The following TTYH3 variants were observed in gnomAD, a reference collection of about 807,000 sequenced individuals.
The protein encoded by TTYH3 is tweety family member 3, also known as protein tweety homolog 3.
A neutral mutation model predicts 68.2 loss-of-function variants in TTYH3; 23 were observed. That is an observed-to-expected ratio of 0.34 (90% CI 0.24 to 0.48). The LOEUF is 0.48. TTYH3 is among the 20% of genes least tolerant of loss of function. The probability of loss-of-function intolerance (pLI) is 0.99; values close to 1 mark genes in which losing one functional copy is unlikely to be tolerated. For missense variants in TTYH3, 768 were observed against 727.7 expected (o/e 1.06, Z -0.64); for synonymous variants, 360 against 332.8 (o/e 1.08, Z -0.89).
intron 1 of TTYH3, among the ~76,000 whole-genome samples, chr7:2,639,510 C>T (rs1001494461): frequency 6.6e-6 from 1 of 152,236 alleles, no homozygotes; most frequent in Non-Finnish European, 1.5e-5. Flanking sequence ...AGCCCCCGAC[C>T]TAGCGCGGCC....
intron 5 of TTYH3, among the ~76,000 whole-genome samples, 178 bp from the exon 6 acceptor site, chr7:2,649,389 C>T (rs971721331): frequency 6.6e-6 from 1 of 152,162 alleles, no homozygotes; most frequent in Non-Finnish European, 1.5e-5. Flanking sequence ...GGAGAGGGAT[C>T]CATCTGGGCC....
intron 1 of TTYH3, among the ~76,000 whole-genome samples, chr7:2,641,553 C>T (rs1242321827): frequency 1.3e-5 from 2 of 152,218 alleles, no homozygotes; most frequent in South Asian, 2.1e-4. Context: ...GTTTTCGCCT[C>T]GCCTGACCGA....
At chr7:2,646,821 C>G in intron 1 of TTYH3, 32 bp from the exon 2 acceptor site, 1 of 1,575,552 alleles carries the variant, frequency 6.3e-7, no homozygotes, top group South Asian at 1.1e-5. Context: ...TGGGGGTCCA[C>G]CCCTCCAGCG....
intron 1 of TTYH3, among the ~76,000 whole-genome samples, chr7:2,635,601 T>C (rs768880088): frequency 6.6e-6 from 1 of 152,076 alleles, no homozygotes; most frequent in Non-Finnish European, 1.5e-5. Context: ...CAGGAGGTGG[T>C]GTTAACTGGC....
intron 7 of TTYH3, among the ~76,000 whole-genome samples, chr7:2,651,646 GCCAGCCACGCT>G (rs1188525414): frequency 6.6e-6 from 1 of 152,266 alleles, no homozygotes; most frequent in African/African-American, 2.4e-5. Context: ...AGGCAGCAAG[GCCAGCCACGCT>G]GGCTTCACTG....
chr7:2,643,562 G>T (rs185710244), intron 1 of TTYH3, among the ~76,000 whole-genome samples: 1 of 152,190 alleles, frequency 6.6e-6, no homozygotes, highest in African/African-American at 2.4e-5. Flanking sequence ...GGGCATGGGC[G>T]TCCCCTGCCC....
chr7:2,647,322 G>A (rs1306443063), intron 3 of TTYH3, 69 bp downstream of exon 3: 4 of 1,518,544 alleles, frequency 2.6e-6, no homozygotes, highest in African/African-American at 2.8e-5. Flanking sequence ...GCGCGAGGAC[G>A]GGCGGGGCAG....
chr7:2,659,666 C>T (rs1465465481), intron 13 of TTYH3, among the ~76,000 whole-genome samples: 2 of 152,152 alleles, frequency 1.3e-5, no homozygotes, highest in Non-Finnish European at 2.9e-5. Context: ...GCTACCAGGA[C>T]AGGGCTTGGG....
rs139244586 is a variant in TTYH3 at position 2,656,508 on chromosome 7, C to T, written c.1224C>T (p.Ser408=). The change falls in exon 11 of 14, where the codon AGC becomes AGT. Residue 408 remains serine (S), a synonymous_variant. Coordinates refer to ENST00000258796, the MANE Select transcript of TTYH3 (RefSeq NM_025250.3). ...TALMFSSIVC[S]VPHTWQQKRG... is the part of the protein sequence containing the mutation. ...TCATGTTCAGCTCCATCGTCTGCAG[C>T]GTCCCGCACACCTGGCAGCAAAAGA... 50 of 1,606,264 alleles carry T rather than the reference C, an allele frequency of 3.1e-5. No individual in the cohort carries two copies. The highest frequency in any genetic ancestry group is 7.8e-5 in the South Asian group (7 of 90,314).
At chr7:2,650,883 C>G (rs1364784977) in intron 7 of TTYH3, among the ~76,000 whole-genome samples, 1 of 151,968 alleles carries the variant, frequency 6.6e-6, no homozygotes, top group Non-Finnish European at 1.5e-5. Flanking sequence ...CAGGGATGGG[C>G]TTTGAGGGCG....
intron 1 of TTYH3, among the ~76,000 whole-genome samples, chr7:2,634,077 ACT>A (rs1304757679): frequency 6.6e-6 from 1 of 150,916 alleles, no homozygotes; most frequent in Non-Finnish European, 1.5e-5. Flanking sequence ...GCTCTGACTC[ACT>A]CTCTCTCCTG....
intron 7 of TTYH3, among the ~76,000 whole-genome samples, chr7:2,651,379 C>T (rs574196870): frequency 1.3e-5 from 2 of 152,254 alleles, no homozygotes; most frequent in East Asian, 3.9e-4. Context: ...AGTCATCTGC[C>T]GCCCACTGAC....
At chr7:2,650,868 G>A (rs544989417) in intron 7 of TTYH3, among the ~76,000 whole-genome samples, 1 of 152,014 alleles carries the variant, frequency 6.6e-6, no homozygotes, top group South Asian at 2.1e-4. Flanking sequence ...GGAGCAAAAG[G>A]TGGACAGGGA....
rs996708881 is a variant in TTYH3, at chr7:2,648,043, C to T, written c.711C>T (p.Gly237=). Residue 237 remains glycine, a synonymous_variant, in exon 5 of 14, where the codon GGC becomes GGT. Coordinates refer to ENST00000258796, the MANE Select transcript of TTYH3 (RefSeq NM_025250.3). ...VLVGLIRSSK[G]ILVGVCLLGV... is the part of the protein sequence containing the mutation. ...TTGGCCTCATCCGCAGCTCCAAGGGCATCCTGGTGGGGTGAGTCTGGGGGT... is the reference window on the plus strand; with the variant it reads ...TTGGCCTCATCCGCAGCTCCAAGGGTATCCTGGTGGGGTGAGTCTGGGGGT... 9.9e-6 allele frequency: 16 copies of T among 1,609,664 alleles called. No homozygotes were observed. The highest frequency in any genetic ancestry group is 1.2e-5 in the Non-Finnish European group (14 of 1,179,748).
intron 7 of TTYH3, 149 bp from the exon 8 acceptor site, chr7:2,652,038 T>C: frequency 1.4e-6 from 1 of 692,516 alleles, no homozygotes; most frequent in Non-Finnish European, 2.6e-6. Context: ...CACATGCACA[T>C]GTGTAAACAG....
intron 1 of TTYH3, among the ~76,000 whole-genome samples, chr7:2,643,218 G>A (rs1234809129): frequency 1.3e-5 from 2 of 151,684 alleles, no homozygotes; most frequent in Non-Finnish European, 2.9e-5. Flanking sequence ...AGCCAGGCTT[G>A]GTGGCGGGTG....
chr7:2,652,393 A>G (rs1439627581), intron 8 of TTYH3, 151 bp downstream of exon 8: 10 of 725,956 alleles, frequency 1.4e-5, no homozygotes, highest in South Asian at 9.5e-5. Flanking sequence ...TGTGGATGTC[A>G]CCAACAGCCC....
chr7:2,650,157 G>T (rs1786127479), intron 7 of TTYH3, among the ~76,000 whole-genome samples, 169 bp downstream of exon 7: 1 of 152,238 alleles, frequency 6.6e-6, no homozygotes, highest in South Asian at 2.1e-4. Context: ...TTTCCCAAGT[G>T]GGAGGCTCTG....
At chr7:2,648,091 G>A in intron 5 of TTYH3, 37 bp downstream of exon 5, 2 of 1,586,082 alleles carry the variant, frequency 1.3e-6, no homozygotes. Flanking sequence ...TGGGCCCAAA[G>A]CGGAGGGGCA....
Sources: allele counts gnomAD v4.1 joint callset (sites outside exome capture counted in the v4.1 genomes callset), GRCh38; gene constraint gnomAD v4.1.1; transcripts MANE v1.5; gene names NCBI Gene and HGNC (gene_info 2026-07-23, HGNC 2026-07-21).